The following AKAP6 variants were observed in gnomAD, a reference collection of about 807,000 sequenced individuals.
AKAP6 encodes the protein A-kinase anchoring protein 6.
AKAP6 carries 58 observed loss-of-function variants against 188.5 expected under a neutral mutation model. The observed-to-expected ratio is 0.31, with a 90% CI of 0.25 to 0.38. The LOEUF is 0.38. Among genes scored for constraint, AKAP6 ranks in the 10% least tolerant of loss-of-function variants. The probability of loss-of-function intolerance (pLI) is 1.00; values close to 1 mark genes in which losing one functional copy is unlikely to be tolerated. For synonymous variants in AKAP6, 989 were observed against 998.6 expected (o/e 0.99, Z 0.18); for missense variants, 2,710 against 2,740.0 (o/e 0.99, Z 0.24).
At chr14:32,465,781 A>G (rs983777387) in intron 2 of AKAP6, among the ~76,000 whole-genome samples, 3 of 152,228 alleles carry the variant, frequency 2.0e-5, no homozygotes, top group Non-Finnish European at 4.4e-5. Context: ...AATTATCATC[A>G]GCATGAACAG....
At chr14:32,678,498 T>A in intron 8 of AKAP6, 39 bp downstream of exon 8, 1 of 1,606,990 alleles carries the variant, frequency 6.2e-7, no homozygotes, top group South Asian at 1.1e-5. Flanking sequence ...TTCTCACTAA[T>A]CTATTTTTTC....
intron 2 of AKAP6, among the ~76,000 whole-genome samples, chr14:32,533,336 G>A (rs1322477466): frequency 2.6e-5 from 4 of 152,274 alleles, no homozygotes; most frequent in Non-Finnish European, 5.9e-5. Flanking sequence ...GTATGAGAGT[G>A]AAAGAGTAAT....
In AKAP6 at chr14:32,575,537, CA is replaced by C. The variant is rs1227317695; in HGVS notation, c.2347-1581del. ...ACTACCATATAGTTCCCAGCTCAGC[CA>C]ATTGCAATTGTGTAGGTCTCAGTTT... On this transcript the variant is annotated intron_variant, in intron 4 of 13. Transcript: ENST00000280979. Among the ~76,000 whole-genome samples the C allele has an allele frequency of 6.6e-5, 10 of 152,156 alleles. No homozygotes were observed. The East Asian group carries it at 1.9e-3, about 29-fold the overall frequency.
intron 5 of AKAP6, among the ~76,000 whole-genome samples, chr14:32,593,199 G>A (rs193121984): frequency 1.5e-4 from 23 of 152,252 alleles, no homozygotes; most frequent in Admixed American, 9.8e-4. Context: ...GTTGTGATTC[G>A]AGTTGACCTG....
chr14:32,522,140 A>G (rs569734145), intron 2 of AKAP6, among the ~76,000 whole-genome samples: 110 of 152,358 alleles, frequency 7.2e-4, no homozygotes, highest in Non-Finnish European at 1.3e-3. Context: ...AGCTATATGT[A>G]GAAATCTGAA....
At chr14:32,466,846 T>TATATATATATATATATATATATATATA (rs879653303) in intron 2 of AKAP6, among the ~76,000 whole-genome samples, 13 of 142,602 alleles carry the variant, frequency 9.1e-5, no homozygotes, top group African/African-American at 3.3e-4. Context: ...TATATATATA[T>TATATATATATATATATATATATATATA]TTTCTTTCTT....
At chr14:32,634,993 C>A (rs181059718) in intron 7 of AKAP6, among the ~76,000 whole-genome samples, 1 of 151,716 alleles carries the variant, frequency 6.6e-6, no homozygotes, top group Non-Finnish European at 1.5e-5. Context: ...GTGTACCCAT[C>A]ATGGGGTTAG....
chr14:32,490,399 T>C lies in AKAP6; in HGVS notation c.325-45155T>C, dbSNP rs573413711. 6.5e-4 allele frequency among the ~76,000 whole-genome samples: 99 copies of C among 152,348 alleles called. 1 individual carries two copies. Among genetic ancestry groups the C allele is most frequent in the African/African-American group, 2.3e-3 (96 of 41,580 alleles). On this transcript the variant is annotated intron_variant, in intron 2 of 13. Coordinates refer to ENST00000280979, the MANE Select transcript of AKAP6 (RefSeq NM_004274.5). Reference sequence around the variant, plus strand: ...TATATTCAGATCACCATATAATTTTTAAAAATTTCTTTCAAACATGAAACA... The same window carrying C: ...TATATTCAGATCACCATATAATTTTCAAAAATTTCTTTCAAACATGAAACA...
Position 32,735,973 on chromosome 14 carries a change from T to C in AKAP6, c.3372+91T>C, listed in dbSNP as rs555480577. 9 of 958,706 alleles carry C rather than the reference T, an allele frequency of 9.4e-6. No individual in the cohort carries two copies. In the East Asian group the frequency reaches 1.7e-4, roughly 18 times the overall value. The allele number at this position is 958,706 out of a possible 1,614,324, so 59.4% of individuals were successfully genotyped here. ...GTACATGAAGTATTATACCCATGTA[T>C]CTGTGTATCACTGTGCACCTAAATG... On this transcript the variant is annotated intron_variant, in intron 11 of 13. Transcript: ENST00000280979.
At chr14:32,572,226 G>C (rs1391809007) in intron 4 of AKAP6, among the ~76,000 whole-genome samples, 2 of 152,190 alleles carry the variant, frequency 1.3e-5, no homozygotes, top group Admixed American at 1.3e-4. Context: ...CTGATCCTCA[G>C]TTTCCTCATC....
chr14:32,686,613 A>T (rs188808042), intron 8 of AKAP6, among the ~76,000 whole-genome samples: 4 of 152,266 alleles, frequency 2.6e-5, no homozygotes, highest in Non-Finnish European at 5.9e-5. Flanking sequence ...TTTTAAAATA[A>T]ATAAAAAAAG....
intron 2 of AKAP6, among the ~76,000 whole-genome samples, chr14:32,478,898 C>G (rs1356198817): frequency 1.3e-5 from 2 of 152,034 alleles, no homozygotes; most frequent in Non-Finnish European, 2.9e-5. Context: ...CCCCCTTTGA[C>G]TCAGAATAAA....
chr14:32,556,005 T>G (rs1883670796), intron 4 of AKAP6, among the ~76,000 whole-genome samples: 1 of 151,792 alleles, frequency 6.6e-6, no homozygotes. Context: ...ATCATGTATA[T>G]TTTTTGAGGA....
intron 3 of AKAP6, among the ~76,000 whole-genome samples, chr14:32,544,469 G>A (rs1281222055): frequency 6.6e-6 from 1 of 152,200 alleles, no homozygotes; most frequent in East Asian, 1.9e-4. Flanking sequence ...TTAGTGTGAG[G>A]GAGTTTTAAA....
At chr14:32,549,675 G>T (rs978496688) in intron 4 of AKAP6, among the ~76,000 whole-genome samples, 4 of 152,208 alleles carry the variant, frequency 2.6e-5, no homozygotes, top group Non-Finnish European at 5.9e-5. Context: ...TCTGTACTAA[G>T]TATTTTACGT....
chr14:32,519,752 C>A (rs1367163890), intron 2 of AKAP6, among the ~76,000 whole-genome samples: 4 of 152,124 alleles, frequency 2.6e-5, no homozygotes, highest in African/African-American at 9.7e-5. Flanking sequence ...TAATGGGAGA[C>A]TTTAACACCC....
At chr14:32,558,206 A>C (rs1032132483) in intron 4 of AKAP6, among the ~76,000 whole-genome samples, 1 of 152,226 alleles carries the variant, frequency 6.6e-6, no homozygotes, top group African/African-American at 2.4e-5. Flanking sequence ...GACAGTGCAC[A>C]TAATTATTAA....
chr14:32,638,882 T>C (rs1014068357), intron 7 of AKAP6, among the ~76,000 whole-genome samples: 1 of 151,896 alleles, frequency 6.6e-6, no homozygotes, highest in African/African-American at 2.4e-5. Flanking sequence ...CAGAAAAACA[T>C]AGACTAAAAT....
At chr14:32,349,598 G>C (rs552037470) in intron 1 of AKAP6, among the ~76,000 whole-genome samples, 1 of 152,112 alleles carries the variant, frequency 6.6e-6, no homozygotes, top group Non-Finnish European at 1.5e-5. Context: ...TTACAAATGT[G>C]CATAAAAATA....
Sources: gnomAD v4.1 joint callset for allele counts (sites outside exome capture counted in the v4.1 genomes callset) on GRCh38, gnomAD v4.1.1 for gene constraint, MANE v1.5 for transcripts, NCBI Gene and HGNC (gene_info 2026-07-23, HGNC 2026-07-21) for gene names.